The following PLEKHA7 variants were observed in gnomAD, a reference collection of about 807,000 sequenced individuals.
PLEKHA7 encodes pleckstrin homology domain containing A7.
A neutral mutation model predicts 170.0 loss-of-function variants in PLEKHA7; 104 were observed. The ratio of observed to expected loss-of-function variants is 0.61; its 90% CI spans 0.52 to 0.72. The LOEUF (loss-of-function observed/expected upper bound fraction) is 0.72. Ranked by LOEUF, PLEKHA7 falls within the 30% of genes least tolerant of loss-of-function variation. PLEKHA7 has a pLI of 0.00. For synonymous variants in PLEKHA7, 648 were observed against 660.8 expected (o/e 0.98, Z 0.30); for missense variants, 1,615 against 1,671.7 (o/e 0.97, Z 0.59).
chr11:16,813,624 G>A (rs991065473), intron 12 of PLEKHA7, among the ~76,000 whole-genome samples: 2 of 152,188 alleles, frequency 1.3e-5, no homozygotes, highest in African/African-American at 4.8e-5. Context: ...TGGATGCCTT[G>A]AAGAGGCAGG....
chr11:16,981,043 G>C (rs894681534), intron 3 of PLEKHA7, among the ~76,000 whole-genome samples: 1 of 152,180 alleles, frequency 6.6e-6, no homozygotes, highest in African/African-American at 2.4e-5. Context: ...TTTATGCAGA[G>C]AGATCAATGG....
intron 4 of PLEKHA7, among the ~76,000 whole-genome samples, chr11:16,862,541 A>G (rs570279347): frequency 6.6e-6 from 1 of 152,214 alleles, no homozygotes; most frequent in Non-Finnish European, 1.5e-5. Context: ...CACAGGAAGA[A>G]ACAAAATTAC....
At chr11:16,900,392 T>C (rs1335062562) in intron 3 of PLEKHA7, among the ~76,000 whole-genome samples, 2 of 152,354 alleles carry the variant, frequency 1.3e-5, no homozygotes, top group Admixed American at 1.3e-4. Flanking sequence ...ATTTTCATTC[T>C]GTTAATGCCT....
At chr11:16,875,354 T>A (rs1363379929) in intron 3 of PLEKHA7, among the ~76,000 whole-genome samples, 2 of 105,834 alleles carry the variant, frequency 1.9e-5, no homozygotes, top group East Asian at 6.3e-4. Flanking sequence ...GAATACTAAA[T>A]TTTTTTTTTT....
chr11:16,844,976 CA>C (rs1852272526), intron 8 of PLEKHA7, among the ~76,000 whole-genome samples: 1 of 152,224 alleles, frequency 6.6e-6, no homozygotes, highest in Non-Finnish European at 1.5e-5. Context: ...TTTATAGCCA[CA>C]TAGAAGAGAA....
At chr11:16,924,862 G>C (rs913202757) in intron 3 of PLEKHA7, among the ~76,000 whole-genome samples, 9 of 152,242 alleles carry the variant, frequency 5.9e-5, no homozygotes, top group Admixed American at 5.2e-4. Context: ...TGCCATAAAA[G>C]ATGAGTAATG....
chr11:16,805,573 T>C (rs1302229829), intron 13 of PLEKHA7, among the ~76,000 whole-genome samples: 1 of 151,804 alleles, frequency 6.6e-6, no homozygotes, highest in Non-Finnish European at 1.5e-5. Context: ...GGGTGAATTA[T>C]GAGGTCAGGA....
chr11:16,861,364 A>T (rs375814020), intron 4 of PLEKHA7, among the ~76,000 whole-genome samples: 1 of 11,934 alleles, frequency 8.4e-5, no homozygotes, highest in African/African-American at 1.1e-4. Context: ...TATTAAAATT[A>T]AAAAAAAAAA....
In PLEKHA7 at chr11:17,014,038, G is replaced by A. The variant is rs536981348; in HGVS notation, c.172C>T (p.Arg58Cys). 2 of 1,559,838 alleles carry A rather than the reference G, an allele frequency of 1.3e-6. No homozygotes were observed. Among genetic ancestry groups the A allele is most frequent in the Non-Finnish European group, 1.7e-6 (2 of 1,152,876 alleles). ...TCCGTGAAGCCCTCCTCCCAGCCGC[G>A]GGGCAGGTCTGCGGAAACGCCAGAA... ...SGHMIRSDLPRGWEEGFTEEG... is the reference protein window; with the variant it reads ...SGHMIRSDLPCGWEEGFTEEG... The change falls in exon 3 of 27, where the codon CGC becomes TGC. Residue 58 changes from arginine to cysteine, a missense_variant. Transcript: ENST00000531066.
Position 17,012,488 on chromosome 11 carries a change from A to G in PLEKHA7, c.221+1501T>C, listed in dbSNP as rs373196780. On this transcript the variant is annotated intron_variant, in intron 3 of 26. Coordinates refer to ENST00000531066, the MANE Select transcript of PLEKHA7 (RefSeq NM_001329630.2). Reference sequence around the variant, plus strand: ...ATTTTACTTTAAATGTTGCCTATTCAGAAACACCATCCCGATCTCCCAGTA... The same window carrying G: ...ATTTTACTTTAAATGTTGCCTATTCGGAAACACCATCCCGATCTCCCAGTA... 9.8e-5 allele frequency among the ~76,000 whole-genome samples: 15 copies of G among 152,318 alleles called. No homozygotes were observed. In the South Asian group the frequency reaches 3.1e-3, roughly 32 times the overall value.
At chr11:16,955,988 A>G (rs953670068) in intron 3 of PLEKHA7, among the ~76,000 whole-genome samples, 1 of 152,142 alleles carries the variant, frequency 6.6e-6, no homozygotes, top group Non-Finnish European at 1.5e-5. Flanking sequence ...GCAACACAGC[A>G]AGACCCAGTC....
At chr11:16,938,673 A>T (rs894635093) in intron 3 of PLEKHA7, among the ~76,000 whole-genome samples, 2 of 152,196 alleles carry the variant, frequency 1.3e-5, no homozygotes. Context: ...TAACATTCAC[A>T]TGTTGGAAGG....
intron 3 of PLEKHA7, among the ~76,000 whole-genome samples, chr11:16,879,447 G>T (rs1004263002): frequency 2.6e-5 from 4 of 152,144 alleles, no homozygotes; most frequent in African/African-American, 9.7e-5. Context: ...AAGATACGGG[G>T]AGGCAGAAGG....
chr11:16,825,080 T>C (rs564286433), intron 10 of PLEKHA7, among the ~76,000 whole-genome samples: 1 of 152,358 alleles, frequency 6.6e-6, no homozygotes, highest in South Asian at 2.1e-4. Flanking sequence ...CAATGTCTTA[T>C]CAGTTACTTA....
intron 3 of PLEKHA7, among the ~76,000 whole-genome samples, chr11:16,949,131 CT>C (rs1565146692): frequency 6.6e-6 from 1 of 152,082 alleles, no homozygotes; most frequent in African/African-American, 2.4e-5. Context: ...TCTTTACCCC[CT>C]CCCCATCTCT....
At position 16,794,921 on chromosome 11, in the gene PLEKHA7, A is replaced by T. The variant is rs376320441; in HGVS notation, c.2507T>A (p.Val836Glu). The change falls in exon 18 of 27, where the codon GTA (valine) becomes GAA (glutamate). Residue 836 changes from valine to glutamate, a missense_variant. Physicochemically the swap from Val to Glu is moderately radical, Grantham distance 121 (BLOSUM62 -2). Transcript: ENST00000531066. ...KENFRILVESVKNPERKTVPL... is the reference protein window; with the variant it reads ...KENFRILVESEKNPERKTVPL... ...GATGAACATCTCACCCGGATTTTTT[A>T]CTGACTCCACTAGAATTCTGAAGTT... 9.3e-5 allele frequency: 148 copies of T among 1,590,414 alleles called. No individual in the cohort carries two copies. The highest frequency in any genetic ancestry group is 1.2e-4 in the Non-Finnish European group (138 of 1,166,524).
chr11:16,801,457 G>A (rs1446317272), intron 16 of PLEKHA7, among the ~76,000 whole-genome samples: 1 of 152,232 alleles, frequency 6.6e-6, no homozygotes, highest in Non-Finnish European at 1.5e-5. Context: ...AAGAGTCGCT[G>A]TGGTAAGCAG....
Position 16,779,021 on chromosome 11 carries a change from C to A in PLEKHA7, c.3794-1G>T, listed in dbSNP as rs1848825755. On this transcript the variant is annotated splice_acceptor_variant, in intron 26 of 26. Coordinates refer to ENST00000531066, the MANE Select transcript of PLEKHA7 (RefSeq NM_001329630.2). LOFTEE classifies it high-confidence loss of function. ...GGTCACGGGTCAGTCACTGCCTGGG[C>A]TGGCAAAAAGCACAGGAGACAGTGA... The A allele has an allele frequency of 1.4e-6, 1 of 702,490 alleles. No homozygotes were observed. The highest frequency in any genetic ancestry group is 2.6e-6 in the Non-Finnish European group (1 of 385,006). 43.5% of individuals were successfully genotyped at this position (702,490 alleles called of 1,614,324 possible).
At chr11:16,852,139 T>C in intron 7 of PLEKHA7, 144 bp downstream of exon 7, 1 of 659,312 alleles carries the variant, frequency 1.5e-6, no homozygotes. Context: ...CTGAGACCCT[T>C]AGTAGCAGGC....
Sources: allele counts gnomAD v4.1 joint callset (sites outside exome capture counted in the v4.1 genomes callset), GRCh38; gene constraint gnomAD v4.1.1; transcripts MANE v1.5; gene names NCBI Gene and HGNC (gene_info 2026-07-23, HGNC 2026-07-21).